RORB: variants seen among roughly 807,000 people sequenced by gnomAD.
The protein encoded by RORB is RAR related orphan receptor B, also known as nuclear receptor ROR-beta.
A neutral mutation model predicts 59.1 loss-of-function variants in RORB; 6 were observed. The ratio of observed to expected loss-of-function variants is 0.10; its 90% CI spans 0.06 to 0.20. The LOEUF (loss-of-function observed/expected upper bound fraction) is 0.20, where lower values mean the gene tolerates loss of function less well. Ranked by LOEUF, RORB falls within the 10% of genes least tolerant of loss-of-function variation. The probability of loss-of-function intolerance (pLI) is 1.00; values close to 1 mark genes in which losing one functional copy is unlikely to be tolerated. For missense variants in RORB, 320 were observed against 560.5 expected (o/e 0.57, Z 4.33); for synonymous variants, 215 against 204.5 (o/e 1.05, Z -0.44).
At chr9:74,571,306 G>A (rs769070040) in intron 1 of RORB, among the ~76,000 whole-genome samples, 2 of 151,358 alleles carry the variant, frequency 1.3e-5, no homozygotes, top group Non-Finnish European at 2.9e-5. Context: ...GAATATTGTG[G>A]TATGCAGACA....
intron 1 of RORB, among the ~76,000 whole-genome samples, chr9:74,554,672 G>A (rs1826667140): frequency 6.6e-6 from 1 of 152,070 alleles, no homozygotes; most frequent in South Asian, 2.1e-4. Flanking sequence ...GTTTGTTGAG[G>A]ACTGAATTAA....
At chr9:74,523,263 T>C (rs1321156504) in intron 1 of RORB, among the ~76,000 whole-genome samples, 1 of 151,744 alleles carries the variant, frequency 6.6e-6, no homozygotes, top group Admixed American at 6.6e-5. Context: ...CTTTTCGTCT[T>C]GTTTCCCTCT....
At chr9:74,620,810 A>T (rs1326272601) in intron 1 of RORB, among the ~76,000 whole-genome samples, 1 of 152,316 alleles carries the variant, frequency 6.6e-6, no homozygotes, top group African/African-American at 2.4e-5. Flanking sequence ...TGTACCCAGT[A>T]GTCATTCAGG....
chr9:74,637,609 C>A (rs943335753), intron 3 of RORB, among the ~76,000 whole-genome samples: 1 of 151,924 alleles, frequency 6.6e-6, no homozygotes, highest in Non-Finnish European at 1.5e-5. Context: ...TACCTACACC[C>A]TTTACAAAGG....
At chr9:74,643,230 A>G (rs1823840727) in intron 4 of RORB, among the ~76,000 whole-genome samples, 1 of 152,226 alleles carries the variant, frequency 6.6e-6, no homozygotes, top group Non-Finnish European at 1.5e-5. Flanking sequence ...CTCTTCCTCT[A>G]AGATAAATGG....
intron 1 of RORB, among the ~76,000 whole-genome samples, chr9:74,592,128 G>C (rs1563946425): frequency 1.3e-5 from 2 of 152,058 alleles, no homozygotes. Context: ...GGATCTCCTT[G>C]GAACCCTCAA....
intron 1 of RORB, among the ~76,000 whole-genome samples, chr9:74,625,643 A>G (rs1823499415): frequency 6.6e-6 from 1 of 152,222 alleles, no homozygotes; most frequent in African/African-American, 2.4e-5. Context: ...TGCCTCTTTT[A>G]TAAGAAGGAG....
chr9:74,641,214 T>C (rs1372006028), intron 3 of RORB, among the ~76,000 whole-genome samples: 1 of 143,976 alleles, frequency 6.9e-6, no homozygotes, highest in Non-Finnish European at 1.6e-5. Flanking sequence ...ACTCAGGATG[T>C]TCACATCCTA....
chr9:74,614,089 C>A (rs1823273364), intron 1 of RORB, among the ~76,000 whole-genome samples: 1 of 151,858 alleles, frequency 6.6e-6, no homozygotes, highest in South Asian at 2.1e-4. Context: ...GGGTATATAC[C>A]CAATAATGGG....
At chr9:74,594,327 C>T (rs892096428) in intron 1 of RORB, among the ~76,000 whole-genome samples, 5 of 152,130 alleles carry the variant, frequency 3.3e-5, no homozygotes, top group African/African-American at 1.2e-4. Context: ...TCAGCACACC[C>T]CTCTCATACT....
At position 74,691,153 on chromosome 9, in the gene RORB, T is replaced by C. The variant is rs956890687; in HGVS notation, c.*5535T>C. Reference sequence around the variant, plus strand: ...CCGATGTGAATGGGCCATAGTAATCTTTGCCTCCTGCGTGACTGTAAGCAT... The same window carrying C: ...CCGATGTGAATGGGCCATAGTAATCCTTGCCTCCTGCGTGACTGTAAGCAT... On this transcript the variant is annotated 3_prime_UTR_variant, in exon 10 of 10. Coordinates refer to ENST00000376896, the MANE Select transcript of RORB (RefSeq NM_006914.4). 1 of 152,216 alleles carries C rather than the reference T, an allele frequency of 6.6e-6. No individual in the cohort carries two copies. The highest frequency in any genetic ancestry group is 2.4e-5 in the African/African-American group (1 of 41,440). The allele number at this position is 152,216 out of a possible 1,614,324, so 9.4% of individuals were successfully genotyped here. A position where few individuals can be genotyped will look rare whatever the true frequency, so the allele number is the denominator to read the frequency against.
chr9:74,602,786 T>G (rs1823088032), intron 1 of RORB, among the ~76,000 whole-genome samples: 1 of 152,236 alleles, frequency 6.6e-6, no homozygotes, highest in Non-Finnish European at 1.5e-5. Context: ...TGGTTTCATT[T>G]ATAAATGGTG....
chr9:74,618,097 A>T (rs1336784527), intron 1 of RORB, among the ~76,000 whole-genome samples: 1 of 152,152 alleles, frequency 6.6e-6, no homozygotes, highest in Non-Finnish European at 1.5e-5. Flanking sequence ...CAAAAAAATC[A>T]AAGCTCTTGT....
intron 1 of RORB, among the ~76,000 whole-genome samples, chr9:74,549,724 G>C (rs1289497084): frequency 6.6e-6 from 1 of 151,850 alleles, no homozygotes; most frequent in East Asian, 1.9e-4. Context: ...TTGACTGCTT[G>C]TAGGATTATG....
chr9:74,666,402 A>G (rs1050922710), intron 7 of RORB, among the ~76,000 whole-genome samples: 5 of 152,072 alleles, frequency 3.3e-5, no homozygotes, highest in African/African-American at 1.2e-4. Flanking sequence ...TTGAGGCTAC[A>G]GTGAGTCATC....
chr9:74,573,138 GT>G (rs1481272185), intron 1 of RORB, among the ~76,000 whole-genome samples: 3 of 152,088 alleles, frequency 2.0e-5, no homozygotes. Context: ...TTTCAAACGT[GT>G]TTTTTTCCAC....
At chr9:74,637,767 T>C (rs559032957) in intron 3 of RORB, among the ~76,000 whole-genome samples, 104 of 152,290 alleles carry the variant, frequency 6.8e-4, no homozygotes, top group African/African-American at 2.5e-3. Flanking sequence ...AGAACTACAT[T>C]GCCCAATCCA....
chr9:74,570,021 A>T (rs2118224307), intron 1 of RORB, among the ~76,000 whole-genome samples: 1 of 152,170 alleles, frequency 6.6e-6, no homozygotes. Flanking sequence ...ATAAAACTTC[A>T]GTTGATATTT....
At chr9:74,539,045 C>G (rs34921586) in intron 1 of RORB, among the ~76,000 whole-genome samples, 38,598 of 151,992 alleles carry the variant, frequency 0.25, 5,227 homozygotes, top group Non-Finnish European at 0.3. Flanking sequence ...CACTCCCTGC[C>G]CCACTTATGA....
Sources: allele counts gnomAD v4.1 joint callset (sites outside exome capture counted in the v4.1 genomes callset), GRCh38; gene constraint gnomAD v4.1.1; transcripts MANE v1.5; gene names NCBI Gene and HGNC (gene_info 2026-07-23, HGNC 2026-07-21).